NCAM2: variants seen among roughly 807,000 people sequenced by gnomAD.
NCAM2 encodes the protein N-CAM-2.
In NCAM2, 30 loss-of-function variants were observed where a neutral mutation model predicts 98.1. The ratio of observed to expected loss-of-function variants is 0.31; its 90% CI spans 0.23 to 0.41. The LOEUF (loss-of-function observed/expected upper bound fraction) is 0.41, where lower values mean the gene tolerates loss of function less well. Ranked by LOEUF, NCAM2 falls within the 10% of genes least tolerant of loss-of-function variation. The pLI is 1.00. For missense variants in NCAM2, 867 were observed against 1,005.8 expected (o/e 0.86, Z 1.87); for synonymous variants, 368 against 342.4 (o/e 1.07, Z -0.83).
At chr21:21,528,784 A>T (rs953258304) in intron 16 of NCAM2, among the ~76,000 whole-genome samples, 15 of 152,284 alleles carry the variant, frequency 9.9e-5, no homozygotes, top group Non-Finnish European at 1.9e-4. Context: ...CACCTGAAAG[A>T]CTGGCTATTA....
chr21:21,167,824 C>T (rs767453967), intron 1 of NCAM2, among the ~76,000 whole-genome samples: 2 of 152,018 alleles, frequency 1.3e-5, no homozygotes, highest in Non-Finnish European at 2.9e-5. Flanking sequence ...GTAAGTAATA[C>T]AAAATAGAGA....
At chr21:21,213,834 G>A (rs1161900411) in intron 1 of NCAM2, among the ~76,000 whole-genome samples, 1 of 152,084 alleles carries the variant, frequency 6.6e-6, no homozygotes, top group Admixed American at 6.5e-5. Flanking sequence ...AATAAAACCT[G>A]CCTAATGTAA....
chr21:21,153,472 A>G (rs1441999290), intron 1 of NCAM2, among the ~76,000 whole-genome samples: 1 of 151,920 alleles, frequency 6.6e-6, no homozygotes, highest in Non-Finnish European at 1.5e-5. Flanking sequence ...ATAGAAATGT[A>G]TAATATAATA....
intron 1 of NCAM2, among the ~76,000 whole-genome samples, chr21:21,160,885 G>T (rs2067762258): frequency 6.6e-6 from 1 of 151,864 alleles, no homozygotes; most frequent in Non-Finnish European, 1.5e-5. Flanking sequence ...GTTTGTTCTT[G>T]ACTATATTAT....
chr21:21,444,235 C>T (rs1031022021), intron 12 of NCAM2, among the ~76,000 whole-genome samples: 1 of 152,088 alleles, frequency 6.6e-6, no homozygotes, highest in Non-Finnish European at 1.5e-5. Flanking sequence ...TTCAGTTTGC[C>T]AGTATTTTAT....
chr21:21,490,458 G>C (rs1289928253), intron 15 of NCAM2, among the ~76,000 whole-genome samples: 1 of 151,846 alleles, frequency 6.6e-6, no homozygotes, highest in Non-Finnish European at 1.5e-5. Flanking sequence ...GTATGCTTAA[G>C]TTAAATTCAA....
intron 15 of NCAM2, among the ~76,000 whole-genome samples, chr21:21,493,389 T>C (rs1027488711): frequency 1.3e-5 from 2 of 151,888 alleles, no homozygotes; most frequent in Non-Finnish European, 2.9e-5. Context: ...TTAAATAGAC[T>C]TTAGTTTTTC....
chr21:21,484,667 C>A (rs1986191959), intron 15 of NCAM2, among the ~76,000 whole-genome samples: 1 of 151,984 alleles, frequency 6.6e-6, no homozygotes, highest in Non-Finnish European at 1.5e-5. Context: ...TCCTAAGGTC[C>A]AATTAATTAT....
At chr21:21,229,662 A>G (rs1006503666) in intron 1 of NCAM2, among the ~76,000 whole-genome samples, 2 of 151,400 alleles carry the variant, frequency 1.3e-5, no homozygotes, top group African/African-American at 4.8e-5. Flanking sequence ...TTATTTCATT[A>G]TCTCATTATC....
chr21:21,415,378 G>A (rs1414218565), intron 10 of NCAM2, among the ~76,000 whole-genome samples: 16 of 111,988 alleles, frequency 1.4e-4, no homozygotes, highest in African/African-American at 3.9e-4. Flanking sequence ...TTGCTCTGTC[G>A]CCCAGGCTGT....
intron 1 of NCAM2, among the ~76,000 whole-genome samples, chr21:21,237,647 G>A (rs547854051): frequency 2.0e-4 from 30 of 151,932 alleles, no homozygotes; most frequent in African/African-American, 7.2e-4. Context: ...ACAGTTGAAG[G>A]TTTACTGTTT....
chr21:21,458,125 TCTC>T (rs1344271826), intron 12 of NCAM2, among the ~76,000 whole-genome samples: 16 of 152,150 alleles, frequency 1.1e-4, no homozygotes, highest in Non-Finnish European at 1.5e-5. Flanking sequence ...GCCTACAGGA[TCTC>T]CTAGTGCCAT....
At chr21:21,313,407 A>G (rs1273457812) in intron 5 of NCAM2, among the ~76,000 whole-genome samples, 3 of 151,934 alleles carry the variant, frequency 2.0e-5, no homozygotes, top group South Asian at 2.1e-4. Context: ...TAGGATTGTC[A>G]TATTTTCCTG....
chr21:21,038,091 C>T (rs573076277), intron 1 of NCAM2, among the ~76,000 whole-genome samples: 1 of 150,836 alleles, frequency 6.6e-6, no homozygotes, highest in Non-Finnish European at 1.5e-5. Context: ...CCATGGTTTA[C>T]CTTGAGTTGC....
chr21:21,498,157 G>A lies in NCAM2; in HGVS notation c.2078-10694G>A, dbSNP rs531883399. 7.9e-5 allele frequency among the ~76,000 whole-genome samples: 12 copies of A among 152,210 alleles called. No homozygotes were observed. The East Asian group carries it at 2.3e-3, about 29-fold the overall frequency. On this transcript the variant is annotated intron_variant, in intron 15 of 17. Transcript: ENST00000400546. ...TGAAAATAGAGCAAATAACTTGTGT[G>A]TGATTCTAAAAATTAAAAATCCCTC...
In NCAM2 at chr21:21,155,369, A is replaced by G. The variant is rs1283208807; in HGVS notation, c.56-125209A>G. Among the ~76,000 whole-genome samples the G allele has an allele frequency of 2.0e-5, 3 of 151,816 alleles. No homozygotes were observed. In the South Asian group the frequency reaches 6.3e-4, roughly 32 times the overall value. On this transcript the variant is annotated intron_variant, in intron 1 of 17. Coordinates refer to ENST00000400546, the MANE Select transcript of NCAM2 (RefSeq NM_004540.5). ...TTCCTGTAAATTTTCTCATTTTAAT[A>G]GCAGCTCATTACAATGTTAAAATTA...
At chr21:21,210,689 C>A in intron 1 of NCAM2, 1 of 1,242,314 alleles carries the variant, frequency 8.0e-7, no homozygotes, top group South Asian at 1.4e-5. Flanking sequence ...TATTACAGGA[C>A]AGGTCAGCTG....
At chr21:21,123,697 G>A (rs1056876607) in intron 1 of NCAM2, among the ~76,000 whole-genome samples, 21 of 152,070 alleles carry the variant, frequency 1.4e-4, no homozygotes, top group African/African-American at 4.8e-4. Flanking sequence ...TAGTAAATTA[G>A]AGGAGGTAAT....
At chr21:21,460,016 T>C (rs930424295) in intron 12 of NCAM2, among the ~76,000 whole-genome samples, 29 of 152,070 alleles carry the variant, frequency 1.9e-4, no homozygotes, top group African/African-American at 6.7e-4. Context: ...ATGGTGATTA[T>C]TTCAGAGTGT....
Sources: gnomAD v4.1 joint callset for allele counts (sites outside exome capture counted in the v4.1 genomes callset) on GRCh38, gnomAD v4.1.1 for gene constraint, MANE v1.5 for transcripts, NCBI Gene and HGNC (gene_info 2026-07-23, HGNC 2026-07-21) for gene names.